Variants in EPHA6 observed in about 807,000 individuals in gnomAD.
EPHA6 encodes ephrin type-A receptor 6.
A neutral mutation model predicts 112.0 loss-of-function variants in EPHA6; 50 were observed. The observed-to-expected ratio is 0.45, with a 90% confidence interval of 0.36 to 0.56. EPHA6 has a LOEUF of 0.56. Ranked by LOEUF, EPHA6 falls within the 20% of genes least tolerant of loss-of-function variation. EPHA6 has a pLI of 0.00. For missense variants in EPHA6, 1,280 were observed against 1,417.4 expected (o/e 0.90, Z 1.56); for synonymous variants, 529 against 490.7 (o/e 1.08, Z -1.03).
chr3:97,415,247 A>G (rs914661924), intron 6 of EPHA6, among the ~76,000 whole-genome samples: 9 of 152,038 alleles, frequency 5.9e-5, no homozygotes, highest in African/African-American at 2.2e-4. Context: ...TGCATTTATC[A>G]CCTCTTTTGT....
intron 15 of EPHA6, among the ~76,000 whole-genome samples, chr3:97,732,370 C>G (rs974791326): frequency 5.3e-5 from 8 of 151,800 alleles, no homozygotes; most frequent in African/African-American, 1.7e-4. Flanking sequence ...CCACATGCTC[C>G]CATAACAGCC....
chr3:96,949,932 A>G (rs1310685169), intron 2 of EPHA6, among the ~76,000 whole-genome samples: 1 of 152,170 alleles, frequency 6.6e-6, no homozygotes, highest in Admixed American at 6.5e-5. Flanking sequence ...TCTTAACATT[A>G]AACCTTTTGT....
chr3:97,056,898 GACTGCTACTGCCACCACC>G (rs1553696138), intron 3 of EPHA6, among the ~76,000 whole-genome samples: 1 of 152,052 alleles, frequency 6.6e-6, no homozygotes, highest in Non-Finnish European at 1.5e-5. Context: ...CTATTATTTT[GACTGCTACTGCCACCACC>G]ACAATTATTG....
chr3:97,485,909 C>T (rs1023923708), intron 10 of EPHA6, among the ~76,000 whole-genome samples: 1 of 152,080 alleles, frequency 6.6e-6, no homozygotes, highest in Non-Finnish European at 1.5e-5. Context: ...CTGTTTTAGC[C>T]CTTTGTGCTA....
At chr3:97,627,791 T>C (rs1223768177) in intron 13 of EPHA6, among the ~76,000 whole-genome samples, 1 of 151,952 alleles carries the variant, frequency 6.6e-6, no homozygotes, top group Non-Finnish European at 1.5e-5. Flanking sequence ...TTCTCATATT[T>C]GGCTATATAT....
intron 5 of EPHA6, among the ~76,000 whole-genome samples, chr3:97,262,126 G>T (rs1394262123): frequency 3.3e-5 from 5 of 152,100 alleles, no homozygotes; most frequent in Non-Finnish European, 5.9e-5. Flanking sequence ...GCTTTTAACA[G>T]ACTCTTTAGA....
chr3:97,393,469 T>A (rs1465408069), intron 5 of EPHA6, among the ~76,000 whole-genome samples: 1 of 151,836 alleles, frequency 6.6e-6, no homozygotes, highest in Non-Finnish European at 1.5e-5. Context: ...AGACACAGAT[T>A]ATCCTGACAA....
intron 5 of EPHA6, among the ~76,000 whole-genome samples, chr3:97,367,154 A>G (rs928131903): frequency 3.9e-5 from 6 of 152,222 alleles, no homozygotes; most frequent in Admixed American, 1.3e-4. Context: ...GAGGATACAC[A>G]TAAGATAAAA....
At chr3:97,086,051 C>T (rs376794014) in intron 3 of EPHA6, among the ~76,000 whole-genome samples, 84 of 151,216 alleles carry the variant, frequency 5.6e-4, no homozygotes, top group African/African-American at 2.0e-3. Flanking sequence ...TCTCTTGCCT[C>T]GGCCTCCCAA....
chr3:97,252,090 C>T (rs947456218), intron 5 of EPHA6, among the ~76,000 whole-genome samples: 1 of 152,128 alleles, frequency 6.6e-6, no homozygotes, highest in Non-Finnish European at 1.5e-5. Context: ...ACCCCACATG[C>T]ACCTCCTGTT....
At chr3:96,829,385 C>G (rs987097975) in intron 1 of EPHA6, among the ~76,000 whole-genome samples, 1 of 152,022 alleles carries the variant, frequency 6.6e-6, no homozygotes, top group Non-Finnish European at 1.5e-5. Flanking sequence ...GGTCACATAA[C>G]CAGAAGCAGA....
At chr3:97,652,230 G>T (rs981188305) in intron 14 of EPHA6, among the ~76,000 whole-genome samples, 1 of 152,034 alleles carries the variant, frequency 6.6e-6, no homozygotes, top group African/African-American at 2.4e-5. Flanking sequence ...AGGAAAACAT[G>T]ATAAATACCA....
intron 2 of EPHA6, among the ~76,000 whole-genome samples, chr3:96,927,541 C>G (rs1192058548): frequency 6.6e-6 from 1 of 152,140 alleles, no homozygotes; most frequent in Non-Finnish European, 1.5e-5. Context: ...CCACTTATCT[C>G]TAGGGTGGGG....
intron 5 of EPHA6, among the ~76,000 whole-genome samples, chr3:97,262,142 C>T (rs894368846): frequency 6.6e-6 from 1 of 152,128 alleles, no homozygotes; most frequent in Non-Finnish European, 1.5e-5. Flanking sequence ...TTAGAAAATA[C>T]GATGAGCCAT....
intron 5 of EPHA6, among the ~76,000 whole-genome samples, chr3:97,267,266 G>T (rs774345519): frequency 1.3e-4 from 20 of 151,862 alleles, no homozygotes; most frequent in Non-Finnish European, 2.5e-4. Context: ...GTCTATCTTG[G>T]TGGGAAATCT....
At chr3:97,487,610 T>C (rs1577550146) in intron 10 of EPHA6, among the ~76,000 whole-genome samples, 1 of 152,334 alleles carries the variant, frequency 6.6e-6, no homozygotes, top group Non-Finnish European at 1.5e-5. Flanking sequence ...TTTCTGTACA[T>C]ATATTCTTAA....
intron 5 of EPHA6, among the ~76,000 whole-genome samples, chr3:97,320,103 T>C (rs949195190): frequency 1.2e-4 from 18 of 152,182 alleles, no homozygotes; most frequent in Non-Finnish European, 2.5e-4. Flanking sequence ...TTGGCATAGG[T>C]TTACAATCTT....
chr3:96,948,365 T>G (rs1235318656), intron 2 of EPHA6, among the ~76,000 whole-genome samples: 3 of 152,212 alleles, frequency 2.0e-5, no homozygotes, highest in Non-Finnish European at 2.9e-5. Context: ...ACAGTTCATA[T>G]GTAACCTTGG....
At position 97,038,471 on chromosome 3, in the gene EPHA6, C is replaced by T. The variant is rs182434502; in HGVS notation, c.1114+50478C>T. Among the ~76,000 whole-genome samples the T allele has an allele frequency of 2.2e-4, 34 of 152,124 alleles. 1 individual carries two copies. The East Asian group carries it at 2.9e-3, about 13-fold the overall frequency. Reference sequence around the variant, plus strand: ...GTGACCTACAGTTCCATCCATGTTGCGGCAAATGACATGATTTTATGTATT... The same window carrying T: ...GTGACCTACAGTTCCATCCATGTTGTGGCAAATGACATGATTTTATGTATT... On this transcript the variant is annotated intron_variant, in intron 3 of 17. Transcript: ENST00000389672.
Sources: gnomAD v4.1 joint callset for allele counts (sites outside exome capture counted in the v4.1 genomes callset) on GRCh38, gnomAD v4.1.1 for gene constraint, MANE v1.5 for transcripts, NCBI Gene and HGNC (gene_info 2026-07-23, HGNC 2026-07-21) for gene names.